TIAM1: variants seen among roughly 807,000 people sequenced by gnomAD.
The protein encoded by TIAM1 is rho guanine nucleotide exchange factor TIAM1.
A neutral mutation model predicts 163.5 loss-of-function variants in TIAM1; 65 were observed. That is an observed-to-expected ratio of 0.40 (90% confidence interval 0.33 to 0.49). The LOEUF is 0.49. TIAM1 is among the 20% of genes least tolerant of loss of function. The probability of loss-of-function intolerance (pLI) is 0.77; values close to 1 mark genes in which losing one functional copy is unlikely to be tolerated. For missense variants in TIAM1, 1,789 were observed against 2,044.7 expected, an observed-to-expected ratio of 0.87 and a Z score of 2.41; for synonymous variants, 833 against 810.1, an observed-to-expected ratio of 1.03 and a Z score of -0.48.
intron 2 of TIAM1, among the ~76,000 whole-genome samples, chr21:31,281,284 C>G (rs2073554883): frequency 6.6e-6 from 1 of 151,996 alleles, no homozygotes; most frequent in Non-Finnish European, 1.5e-5. Context: ...GTAAATTACC[C>G]ATTCTGAAAA....
chr21:31,256,620 C>CGA (rs1396027995), intron 4 of TIAM1, among the ~76,000 whole-genome samples: 6 of 150,696 alleles, frequency 4.0e-5, no homozygotes, highest in African/African-American at 1.2e-4. Flanking sequence ...CACACACACA[C>CGA]ACACACACGT....
chr21:31,215,492 C>T (rs1285798342), intron 9 of TIAM1, among the ~76,000 whole-genome samples: 2 of 140,206 alleles, frequency 1.4e-5, no homozygotes, highest in Non-Finnish European at 3.0e-5. Context: ...ACCCAGGAGG[C>T]GGAGATTGCA....
At chr21:31,333,436 C>A (rs533581711) in intron 2 of TIAM1, among the ~76,000 whole-genome samples, 1 of 152,178 alleles carries the variant, frequency 6.6e-6, no homozygotes, top group East Asian at 1.9e-4. Context: ...TCTATGAACT[C>A]TCTTTTTGTT....
At chr21:31,401,296 C>G (rs2077160213) in intron 2 of TIAM1, among the ~76,000 whole-genome samples, 1 of 152,160 alleles carries the variant, frequency 6.6e-6, no homozygotes, top group South Asian at 2.1e-4. Context: ...TAGTAACCAG[C>G]TCTTCATCAG....
chr21:31,130,572 T>C (rs762856839), intron 24 of TIAM1, among the ~76,000 whole-genome samples: 2 of 151,618 alleles, frequency 1.3e-5, no homozygotes, highest in Non-Finnish European at 2.9e-5. Flanking sequence ...AGAAAAAGGA[T>C]CCCAAAAGAA....
chr21:31,187,156 G>A (rs1304191744), intron 13 of TIAM1, 69 bp from the exon 14 acceptor site: 2 of 1,406,944 alleles, frequency 1.4e-6, no homozygotes, highest in Admixed American at 1.7e-5. Context: ...AACAGGAAGT[G>A]CCTGCTGTGA....
rs759484156 is a variant in TIAM1 at position 31,124,612 on chromosome 21, C to T, written c.4216G>A (p.Glu1406Lys). Residue 1406 changes from glutamate (E) to lysine (K), a missense_variant, in exon 27 of 28, where the codon GAG becomes AAG. By Grantham distance (56) the Glu-to-Lys change is moderately conservative (BLOSUM62 1). Coordinates refer to ENST00000541036, the MANE Select transcript of TIAM1 (RefSeq NM_001353694.2). ...DKHRRQLLKT[E>K]SLPSSQQYVP... Reference sequence around the variant, plus strand: ...TATTGCTGGGATGAGGGAAGGCTCTCGGTTTTGAGGAGCTGTCTTCTGTGC... The same window carrying T: ...TATTGCTGGGATGAGGGAAGGCTCTTGGTTTTGAGGAGCTGTCTTCTGTGC... The T allele has an allele frequency of 3.7e-6, 6 of 1,613,666 alleles. No homozygotes were observed. Among genetic ancestry groups the T allele is most frequent in the African/African-American group, 2.7e-5 (2 of 74,918 alleles).
At chr21:31,476,212 T>C (rs1226999337) in intron 1 of TIAM1, among the ~76,000 whole-genome samples, 1 of 152,204 alleles carries the variant, frequency 6.6e-6, no homozygotes, top group East Asian at 1.9e-4. Flanking sequence ...CCAATTAAAC[T>C]CAATGATTCT....
chr21:31,270,234 A>C (rs1050848871), intron 3 of TIAM1, among the ~76,000 whole-genome samples: 1 of 152,190 alleles, frequency 6.6e-6, no homozygotes, highest in Non-Finnish European at 1.5e-5. Flanking sequence ...GCATCAGTAA[A>C]TATCGGTGCA....
In TIAM1 at chr21:31,235,886, C is replaced by T. The variant is rs1357175581; in HGVS notation, c.1584+9602G>A. 2.6e-5 allele frequency among the ~76,000 whole-genome samples: 4 copies of T among 152,166 alleles called. No homozygotes were observed. In the East Asian group the frequency reaches 7.7e-4, roughly 29 times the overall value. On this transcript the variant is annotated intron_variant, in intron 6 of 27. Transcript: ENST00000541036. Reference sequence around the variant, plus strand: ...GCATAAAATCTAGCTGATTTCCAGCCTTGTATATTCATTTTGCACTTCAAC... The same window carrying T: ...GCATAAAATCTAGCTGATTTCCAGCTTTGTATATTCATTTTGCACTTCAAC...
At chr21:31,136,279 T>A (rs758564134) in intron 22 of TIAM1, among the ~76,000 whole-genome samples, 13 of 152,254 alleles carry the variant, frequency 8.5e-5, no homozygotes, top group African/African-American at 1.2e-4. Context: ...TTTTTACTTG[T>A]CAATTTCATG....
At chr21:31,322,068 AAC>A (rs980066406) in intron 2 of TIAM1, among the ~76,000 whole-genome samples, 1 of 152,130 alleles carries the variant, frequency 6.6e-6, no homozygotes, top group African/African-American at 2.4e-5. Flanking sequence ...CAAAAAAACC[AAC>A]TCAGCAGAGA....
chr21:31,172,023 CTGAGCCACAGAACAG>C lies in TIAM1; in HGVS notation c.2888-6973_2888-6959del, dbSNP rs1210104966. On this transcript the variant is annotated intron_variant, in intron 15 of 27. Transcript: ENST00000541036. ...AACCAGCTGAGTCTGGCCCAAACTG[CTGAGCCACAGAACAG>C]TGAGCAAGTAAAACAGTTGTTTCAG... 4.6e-5 allele frequency among the ~76,000 whole-genome samples: 7 copies of C among 152,206 alleles called. No individual in the cohort carries two copies. In the East Asian group the frequency reaches 1.3e-3, roughly 29 times the overall value.
chr21:31,495,517 A>G (rs1244159507), intron 1 of TIAM1, among the ~76,000 whole-genome samples: 1 of 152,248 alleles, frequency 6.6e-6, no homozygotes, highest in African/African-American at 2.4e-5. Context: ...GAGCCTCCAC[A>G]GCCTAATCGC....
intron 2 of TIAM1, among the ~76,000 whole-genome samples, chr21:31,417,015 G>C (rs1236360366): frequency 1.3e-5 from 2 of 152,216 alleles, no homozygotes; most frequent in Middle Eastern, 6.8e-3. Context: ...TTATTTTATT[G>C]TATTTCATTT....
At chr21:31,482,918 T>C (rs2046161865) in intron 1 of TIAM1, among the ~76,000 whole-genome samples, 1 of 152,174 alleles carries the variant, frequency 6.6e-6, no homozygotes, top group Non-Finnish European at 1.5e-5. Flanking sequence ...CCCTGGGCAC[T>C]GTGTATATAT....
At chr21:31,420,108 C>T (rs2043514103) in intron 2 of TIAM1, among the ~76,000 whole-genome samples, 1 of 151,942 alleles carries the variant, frequency 6.6e-6, no homozygotes, top group African/African-American at 2.4e-5. Context: ...AACTTCTCTG[C>T]AATTTTTGAA....
At chr21:31,289,103 G>A (rs929990236) in intron 2 of TIAM1, among the ~76,000 whole-genome samples, 2 of 152,190 alleles carry the variant, frequency 1.3e-5, no homozygotes, top group African/African-American at 4.8e-5. Context: ...AACACATGTA[G>A]CATTTAAGAA....
intron 8 of TIAM1, among the ~76,000 whole-genome samples, chr21:31,220,338 A>G (rs2087484990): frequency 6.6e-6 from 1 of 152,222 alleles, no homozygotes; most frequent in African/African-American, 2.4e-5. Flanking sequence ...ACTTACATAC[A>G]TTTGTTGCTT....
Sources: allele counts gnomAD v4.1 joint callset (sites outside exome capture counted in the v4.1 genomes callset), GRCh38; gene constraint gnomAD v4.1.1; transcripts MANE v1.5; gene names NCBI Gene and HGNC (gene_info 2026-07-23, HGNC 2026-07-21).